Variants in MET observed in about 807,000 individuals in gnomAD.
The protein encoded by MET is MET proto-oncogene, receptor tyrosine kinase.
MET carries 48 observed loss-of-function variants against 133.1 expected under a neutral mutation model. The observed-to-expected ratio is 0.36, with a 90% confidence interval of 0.29 to 0.46. The LOEUF is 0.46. MET is among the 20% of genes least tolerant of loss of function. The pLI, the probability that MET is intolerant of heterozygous loss-of-function variation, is 1.00. For synonymous variants in MET, 628 were observed against 616.5 expected (o/e 1.02, Z -0.28); for missense variants, 1,442 against 1,695.9 (o/e 0.85, Z 2.63).
rs2116825376 is a variant in MET at position 116,739,942 on chromosome 7, C to G, written c.1393-8C>G. On this transcript the variant is annotated splice_polypyrimidine_tract_variant and splice_region_variant and intron_variant, in intron 3 of 20. Coordinates refer to ENST00000397752, the MANE Select transcript of MET (RefSeq NM_000245.4). The stretch of plus-strand genomic sequence containing the variant: ...GAATAAGGATGTTATAACTTTTTTG[C>G]TGTTTAGGTTGTGGTTTCTCGATCA... 1 of 1,613,938 alleles carries G rather than the reference C, an allele frequency of 6.2e-7. No individual in the cohort carries two copies. The highest frequency in any genetic ancestry group is 2.2e-5 in the East Asian group (1 of 44,868).
rs892474045 is a variant in MET at position 116,796,871 on chromosome 7, A to G, written c.*747A>G. On this transcript the variant is annotated 3_prime_UTR_variant, in exon 21 of 21. Coordinates refer to ENST00000397752, the MANE Select transcript of MET (RefSeq NM_000245.4). The stretch of plus-strand genomic sequence containing the variant: ...TGGACTCAAGAAATCCACCCACCTC[A>G]GCCTCCCAAAGTGCTAGGATTACAG... 1 of 176,598 alleles carries G rather than the reference A, an allele frequency of 5.7e-6. No homozygotes were observed. The highest frequency in any genetic ancestry group is 1.2e-5 in the Non-Finnish European group (1 of 81,918). The allele number at this position is 176,598 out of a possible 1,614,324, so 10.9% of individuals were successfully genotyped here.
rs926610325 is a variant in MET at position 116,782,209 on chromosome 7, A to T, written c.3632+112A>T. 4 of 778,698 alleles carry T rather than the reference A, an allele frequency of 5.1e-6. No homozygotes were observed. In the African/African-American group the frequency reaches 6.8e-5, roughly 13 times the overall value. 48.2% of individuals were successfully genotyped at this position (778,698 alleles called of 1,614,324 possible). On this transcript the variant is annotated intron_variant, in intron 18 of 20. Coordinates refer to ENST00000397752, the MANE Select transcript of MET (RefSeq NM_000245.4). ...TTCTCTTCTTATGCAAAAGTCCTTT[A>T]TTTCTGTTACAATCTTAAATCGATG...
intron 16 of MET, 122 bp downstream of exon 16, chr7:116,777,591 A>T: frequency 2.1e-6 from 2 of 939,784 alleles, no homozygotes; most frequent in Admixed American, 1.8e-5. Flanking sequence ...CACTGAAATT[A>T]TGGGCCTAAT....
intron 19 of MET, among the ~76,000 whole-genome samples, chr7:116,790,860 T>G (rs1432276025): frequency 5.3e-5 from 8 of 152,174 alleles, no homozygotes; most frequent in Admixed American, 5.2e-4. Context: ...GCAGATCACT[T>G]GATGTTAGGA....
chr7:116,775,678 G>GC (rs1794972143), intron 15 of MET, among the ~76,000 whole-genome samples: 1 of 152,214 alleles, frequency 6.6e-6, no homozygotes, highest in Admixed American at 6.5e-5. Context: ...CAGCACTCCA[G>GC]CCTGGGCAGC....
chr7:116,692,533 G>A (rs948853507), intron 1 of MET, among the ~76,000 whole-genome samples: 10 of 152,248 alleles, frequency 6.6e-5, no homozygotes, highest in South Asian at 2.1e-4. Flanking sequence ...TGAATGTATC[G>A]CTAGATTTCT....
rs138575615 is a variant in MET, at chr7:116,766,156, A to G, written c.2583+2888A>G. Among the ~76,000 whole-genome samples, 1,040 of 152,208 alleles carry G rather than the reference A, an allele frequency of 6.8e-3. 5 individuals are homozygous for G. Among genetic ancestry groups the G allele is most frequent in the Non-Finnish European group, 0.011 (734 of 68,002 alleles). ...TTTCTCCCTGAGTGTCTTATTTCTG[A>G]CTTTTTATGCATGAGCATATCTTAT... is the stretch of plus-strand genomic sequence containing the variant. On this transcript the variant is annotated intron_variant, in intron 11 of 20. Coordinates refer to ENST00000397752, the MANE Select transcript of MET (RefSeq NM_000245.4).
At chr7:116,694,435 G>A (rs1458720632) in intron 1 of MET, among the ~76,000 whole-genome samples, 1 of 152,018 alleles carries the variant, frequency 6.6e-6, no homozygotes. Flanking sequence ...ATGTAAAGAA[G>A]GTGTAGGAGA....
chr7:116,715,628 C>A (rs1792160588), intron 2 of MET, among the ~76,000 whole-genome samples: 1 of 152,188 alleles, frequency 6.6e-6, no homozygotes, highest in South Asian at 2.1e-4. Flanking sequence ...ATGAAGTGAC[C>A]ATTTAATATG....
intron 5 of MET, among the ~76,000 whole-genome samples, chr7:116,746,094 A>G (rs1181428551): frequency 6.6e-6 from 1 of 152,228 alleles, no homozygotes; most frequent in African/African-American, 2.4e-5. Flanking sequence ...GAAAAATCTA[A>G]CAACCCCATC....
chr7:116,771,344 A>G (rs574162070), intron 12 of MET, among the ~76,000 whole-genome samples, 154 bp from the exon 13 acceptor site: 16 of 152,366 alleles, frequency 1.1e-4, no homozygotes, highest in Non-Finnish European at 2.1e-4. Context: ...ACACTGGAGC[A>G]TAATTGAGGA....
chr7:116,684,066 C>T (rs1230065602), intron 1 of MET, among the ~76,000 whole-genome samples: 3 of 152,112 alleles, frequency 2.0e-5, no homozygotes, highest in African/African-American at 7.2e-5. Context: ...CTTAGATGAC[C>T]AGAAGCTACA....
At position 116,755,503 on chromosome 7, in the gene MET, G is replaced by A. The variant is rs1481812764; in HGVS notation, c.1850G>A (p.Ser617Asn). The A allele has an allele frequency of 5.6e-6, 9 of 1,613,996 alleles. No individual in the cohort carries two copies. The highest frequency in any genetic ancestry group is 7.6e-6 in the Non-Finnish European group (9 of 1,180,000). Residue 617 changes from serine to asparagine, a missense_variant, in exon 6 of 21, where the codon AGC becomes AAC. By Grantham distance (46) the Ser-to-Asn change is conservative. Around this residue, in one of 6 missense-constraint regions of MET, gnomAD observed 762 missense variants for 792.4 expected, o/e 0.96. Transcript: ENST00000397752. ...NESCTLTLSESTMNTLKCTVG... is the reference protein window; with the variant it reads ...NESCTLTLSENTMNTLKCTVG... ...AGCTGCACCTTGACTTTAAGTGAGAGCACGATGAATACGTAAGGATCTTAA... is the reference window on the plus strand; with the variant it reads ...AGCTGCACCTTGACTTTAAGTGAGAACACGATGAATACGTAAGGATCTTAA...
chr7:116,733,735 G>T (rs1447818720), intron 3 of MET, among the ~76,000 whole-genome samples: 1 of 151,872 alleles, frequency 6.6e-6, no homozygotes, highest in African/African-American at 2.4e-5. Flanking sequence ...TTTAAAAGTG[G>T]CTTTTAATTT....
In MET at chr7:116,699,359, A is replaced by G; in HGVS notation, c.275A>G (p.His92Arg). The G allele has an allele frequency of 6.2e-7, 1 of 1,614,052 alleles. No individual in the cohort carries two copies. The highest frequency in any genetic ancestry group is 2.2e-5 in the East Asian group (1 of 44,880). Residue 92 changes from histidine (H) to arginine (R), a missense_variant, in exon 2 of 21, where the codon CAC becomes CGC. Transcript: ENST00000397752. ...AEYKTGPVLE[H>R]PDCFPCQDCS... ...TACAAGACTGGGCCTGTGCTGGAAC[A>G]CCCAGATTGTTTCCCATGTCAGGAC...
At chr7:116,769,873 A>G in intron 12 of MET, 82 bp downstream of exon 12, 1 of 1,588,310 alleles carries the variant, frequency 6.3e-7, no homozygotes, top group Non-Finnish European at 8.6e-7. Flanking sequence ...ATAAATCATT[A>G]AAGCTCATTT....
chr7:116,705,803 CTTTAT>C (rs1261479001), intron 2 of MET, among the ~76,000 whole-genome samples: 1 of 152,090 alleles, frequency 6.6e-6, no homozygotes, highest in Non-Finnish European at 1.5e-5. Flanking sequence ...TTCCTAACTT[CTTTAT>C]TTTAATTATC....
chr7:116,730,911 G>A lies in MET; in HGVS notation c.1201-757G>A, dbSNP rs116530062. 3.3e-3 allele frequency among the ~76,000 whole-genome samples: 508 copies of A among 152,252 alleles called. 1 individual carries two copies. The highest frequency in any genetic ancestry group is 0.011 in the African/African-American group (457 of 41,534). On this transcript the variant is annotated intron_variant, in intron 2 of 20. Coordinates refer to ENST00000397752, the MANE Select transcript of MET (RefSeq NM_000245.4). Reference sequence around the variant, plus strand: ...TGTTTGTTTGTTTTGTTTTTATTGCGTGGGAGGTCTTCCAGAAAACCTGCT... The same window carrying A: ...TGTTTGTTTGTTTTGTTTTTATTGCATGGGAGGTCTTCCAGAAAACCTGCT...
At chr7:116,744,269 T>C (rs1793573079) in intron 5 of MET, among the ~76,000 whole-genome samples, 1 of 151,858 alleles carries the variant, frequency 6.6e-6, no homozygotes, top group Admixed American at 6.6e-5. Context: ...TCTAACCCAA[T>C]GCAAGGAAGC....
Sources: gnomAD v4.1 joint callset for allele counts (sites outside exome capture counted in the v4.1 genomes callset) on GRCh38, gnomAD v4.1.1 for gene constraint, gnomAD v4.1.1 regional missense constraint, MANE v1.5 for transcripts, NCBI Gene and HGNC (gene_info 2026-07-23, HGNC 2026-07-21) for gene names.